The following ARHGAP18 variants were observed in gnomAD, a reference collection of about 807,000 sequenced individuals.
ARHGAP18 encodes rho GTPase-activating protein 18.
Under a neutral mutation model 86.2 loss-of-function variants are expected in ARHGAP18, and 67 were observed. That is an observed-to-expected ratio of 0.78 (90% confidence interval 0.64 to 0.95). The LOEUF is 0.95. Among genes scored for constraint, ARHGAP18 ranks in the 40% least tolerant of loss-of-function variants. The pLI, the probability that ARHGAP18 is intolerant of heterozygous loss-of-function variation, is 0.00. For missense variants in ARHGAP18, 691 were observed against 780.4 expected, an observed-to-expected ratio of 0.89 and a Z score of 1.37; for synonymous variants, 283 against 280.4, an observed-to-expected ratio of 1.01 and a Z score of -0.09.
chr6:129,681,397 T>C (rs1270785294), intron 1 of ARHGAP18, among the ~76,000 whole-genome samples: 1 of 152,162 alleles, frequency 6.6e-6, no homozygotes, highest in East Asian at 1.9e-4. Flanking sequence ...TTAACATTGT[T>C]AATACTTAAC....
At chr6:129,684,648 G>A (rs531866105) in intron 1 of ARHGAP18, among the ~76,000 whole-genome samples, 2 of 152,252 alleles carry the variant, frequency 1.3e-5, no homozygotes, top group African/African-American at 4.8e-5. Context: ...CACACAGAGG[G>A]TCCTCCAAAA....
intron 5 of ARHGAP18, among the ~76,000 whole-genome samples, chr6:129,627,229 A>C (rs184468988): frequency 9.9e-5 from 15 of 152,272 alleles, no homozygotes; most frequent in African/African-American, 3.1e-4. Flanking sequence ...CAATTTCTGA[A>C]AACAAATAGA....
intron 1 of ARHGAP18, among the ~76,000 whole-genome samples, chr6:129,665,540 A>G (rs766161355): frequency 6.6e-6 from 1 of 152,228 alleles, no homozygotes; most frequent in Non-Finnish European, 1.5e-5. Context: ...ATAGAGCCAG[A>G]TCCTGTCTCC....
At chr6:129,626,390 T>G (rs1485004378) in intron 5 of ARHGAP18, among the ~76,000 whole-genome samples, 3 of 151,918 alleles carry the variant, frequency 2.0e-5, no homozygotes, top group African/African-American at 7.3e-5. Flanking sequence ...GAGGAGGGAT[T>G]GAATAGGTTG....
intron 4 of ARHGAP18, among the ~76,000 whole-genome samples, chr6:129,630,206 G>C (rs1180301055): frequency 6.6e-6 from 1 of 152,134 alleles, no homozygotes; most frequent in East Asian, 1.9e-4. Flanking sequence ...AAGATTTCAA[G>C]GATATAGTAA....
chr6:129,613,264 T>A (rs969617483), intron 7 of ARHGAP18, among the ~76,000 whole-genome samples: 25 of 147,400 alleles, frequency 1.7e-4, no homozygotes, highest in African/African-American at 4.2e-4. Context: ...AGAAAAAAAA[T>A]TTCTGGAATA....
intron 12 of ARHGAP18, among the ~76,000 whole-genome samples, chr6:129,587,633 C>T (rs1343067319): frequency 6.6e-6 from 1 of 152,086 alleles, no homozygotes; most frequent in East Asian, 1.9e-4. Context: ...GGGAAAAGCC[C>T]CTTATAAAAC....
intron 3 of ARHGAP18, among the ~76,000 whole-genome samples, chr6:129,634,888 T>TAA (rs5879956): frequency 1.7e-4 from 25 of 146,122 alleles, no homozygotes; most frequent in East Asian, 1.4e-3. Flanking sequence ...TTCTTCAAGT[T>TAA]AAAAAAAAAA....
At position 129,580,101 on chromosome 6, in the gene ARHGAP18, T is replaced by G. The variant is rs778665307; in HGVS notation, c.1869A>C (p.Glu623Asp). ...TTCCTCCAATTTCATACAAAAAAAC[T>G]TCTCCTTTCTTGAGAGTCTGGGCAA... Reference protein sequence around the residue: ...SGVAQTLKKGEVFLYEIGGNI... With the variant: ...SGVAQTLKKGDVFLYEIGGNI... Residue 623 changes from glutamate (E) to aspartate (D), a missense_variant, in exon 14 of 15, where the codon GAA becomes GAC. Glu to Asp is a conservative substitution (Grantham distance 45, BLOSUM62 2). Transcript: ENST00000368149. 1.9e-6 allele frequency: 3 copies of G among 1,613,664 alleles called. No homozygotes were observed. Among genetic ancestry groups the G allele is most frequent in the Admixed American group, 3.3e-5 (2 of 59,962 alleles).
chr6:129,582,017 G>A (rs1208428524), intron 13 of ARHGAP18, among the ~76,000 whole-genome samples: 2 of 151,984 alleles, frequency 1.3e-5, no homozygotes, highest in African/African-American at 4.8e-5. Flanking sequence ...AGGTGAAACA[G>A]AAATAGTTAG....
At chr6:129,623,310 A>G (rs1440995841) in intron 5 of ARHGAP18, among the ~76,000 whole-genome samples, 5 of 152,198 alleles carry the variant, frequency 3.3e-5, no homozygotes, top group Non-Finnish European at 5.9e-5. Context: ...TCCATGTATG[A>G]AAAATAGGGG....
intron 1 of ARHGAP18, among the ~76,000 whole-genome samples, chr6:129,686,967 C>CTTTTTCTTTTTTTTTTTTTTTTTTT (rs1774435771): frequency 1.4e-5 from 1 of 72,488 alleles, no homozygotes; most frequent in Non-Finnish European, 2.8e-5. Flanking sequence ...ATTTTTTTTT[C>CTTTTTCTTTTTTTTTTTTTTTTTTT]TTTTTTTTTT....
intron 12 of ARHGAP18, among the ~76,000 whole-genome samples, chr6:129,585,738 G>C (rs529400858): frequency 6.6e-6 from 1 of 152,280 alleles, no homozygotes; most frequent in African/African-American, 2.4e-5. Context: ...ACTTTGCTGG[G>C]CTAACCTTGG....
intron 1 of ARHGAP18, among the ~76,000 whole-genome samples, chr6:129,679,407 A>C (rs1393792109): frequency 6.6e-6 from 1 of 152,210 alleles, no homozygotes; most frequent in Non-Finnish European, 1.5e-5. Flanking sequence ...AGCAGATTGG[A>C]GTCCTGATTT....
Position 129,607,932 on chromosome 6 carries a change from G to GCAGTGGC in ARHGAP18, c.1236_1242dup (p.Leu415AlafsTer36), listed in dbSNP as rs776598106. ...AAGGCTTTGAGATACTCCACACTGAGCAGTGGCTGGGGCAACTCCCGAATG... is the reference window on the plus strand; with the variant it reads ...AAGGCTTTGAGATACTCCACACTGAGCAGTGGCCAGTGGCTGGGGCAACTCCCGAATG... On this transcript the variant is annotated frameshift_variant, in exon 9 of 15. Transcript: ENST00000368149. LOFTEE classifies it high-confidence loss of function. The GCAGTGGC allele has an allele frequency of 6.2e-7, 1 of 1,613,794 alleles. No individual in the cohort carries two copies. Among genetic ancestry groups the GCAGTGGC allele is most frequent in the East Asian group, 2.2e-5 (1 of 44,876 alleles).
At chr6:129,623,605 T>C (rs1789277719) in intron 5 of ARHGAP18, among the ~76,000 whole-genome samples, 1 of 152,126 alleles carries the variant, frequency 6.6e-6, no homozygotes, top group African/African-American at 2.4e-5. Flanking sequence ...TAGAGGAGCA[T>C]GGAACAGAAA....
chr6:129,646,023 T>C (rs889276164), intron 1 of ARHGAP18, among the ~76,000 whole-genome samples: 1 of 152,226 alleles, frequency 6.6e-6, no homozygotes, highest in Non-Finnish European at 1.5e-5. Flanking sequence ...TATTTTGTCA[T>C]AGCAAATATT....
intron 1 of ARHGAP18, 22 bp downstream of exon 1, chr6:129,710,002 T>C (rs752644899): frequency 6.3e-7 from 1 of 1,598,114 alleles, no homozygotes; most frequent in Non-Finnish European, 8.6e-7. Flanking sequence ...TTTTGTTTTG[T>C]TTTCAGCTTC....
intron 1 of ARHGAP18, among the ~76,000 whole-genome samples, chr6:129,704,860 A>G (rs1178092579): frequency 1.3e-5 from 2 of 152,172 alleles, no homozygotes; most frequent in South Asian, 2.1e-4. Context: ...CAAATGTTCT[A>G]TAAGGTTATC....
Sources: allele counts gnomAD v4.1 joint callset (sites outside exome capture counted in the v4.1 genomes callset), GRCh38; gene constraint gnomAD v4.1.1; transcripts MANE v1.5; gene names NCBI Gene and HGNC (gene_info 2026-07-23, HGNC 2026-07-21).